The following TMEM82 variants were observed in gnomAD, a reference collection of about 807,000 sequenced individuals.
TMEM82 encodes transmembrane protein 82.
Under a neutral mutation model 29.2 loss-of-function variants are expected in TMEM82, and 30 were observed. The ratio of observed to expected loss-of-function variants is 1.03; its 90% CI spans 0.77 to 1.39. The LOEUF is 1.39. Ranked by LOEUF, TMEM82 falls within the 40% of genes most tolerant of loss-of-function variation. The pLI is 0.00. For missense variants in TMEM82, 442 were observed against 447.7 expected (o/e 0.99, Z 0.12); for synonymous variants, 221 against 225.4 (o/e 0.98, Z 0.18).
chr1:15,742,811 G>A (rs552584269), intron 1 of TMEM82, 24 bp from the exon 2 acceptor site: 13 of 1,606,572 alleles, frequency 8.1e-6, no homozygotes, highest in Middle Eastern at 1.7e-4. Context: ...ACGCTGCCTC[G>A]CTGCCTCCCT....
Position 15,742,545 on chromosome 1 carries a change from C to A in TMEM82, c.-15C>A. 1 of 1,566,130 alleles carries A rather than the reference C, an allele frequency of 6.4e-7. No individual in the cohort carries two copies. Among genetic ancestry groups the A allele is most frequent in the African/African-American group, 1.4e-5 (1 of 73,876 alleles). On this transcript the variant is annotated 5_prime_UTR_variant, in exon 1 of 6. Transcript: ENST00000375782. The stretch of plus-strand genomic sequence containing the variant: ...GCAGACCTGGCCGGAGGCTGGGGCT[C>A]CTTCCGGGGCTGCCATGTTCTCTCT...
Position 15,746,578 on chromosome 1 carries a change from G to A in TMEM82, c.758-289G>A, listed in dbSNP as rs574907361. On this transcript the variant is annotated intron_variant, in intron 4 of 5. Coordinates refer to ENST00000375782, the MANE Select transcript of TMEM82 (RefSeq NM_001013641.3). ...CAGGGCTAACTGAGGGACTAGAGGC[G>A]GGTGTGCGGAAAAGAAAGGAGTCAG... 5.3e-4 allele frequency among the ~76,000 whole-genome samples: 81 copies of A among 152,150 alleles called. 2 individuals carry two copies. In the Middle Eastern group the frequency reaches 0.01, roughly 19 times the overall value.
intron 1 of TMEM82, 59 bp from the exon 2 acceptor site, chr1:15,742,776 A>C: frequency 6.4e-7 from 1 of 1,564,252 alleles, no homozygotes. Context: ...CCTACCAATG[A>C]AGCCTGCCCT....
At chr1:15,742,945 G>A (rs771520999) in intron 2 of TMEM82, 38 bp downstream of exon 2, 1 of 1,609,564 alleles carries the variant, frequency 6.2e-7, no homozygotes, top group Non-Finnish European at 8.5e-7. Flanking sequence ...AATGTGGCTG[G>A]GGGCACGGGG....
At position 15,742,663 on chromosome 1, in the gene TMEM82, C is replaced by A. The variant is rs1319643216; in HGVS notation, c.88+16C>A. The stretch of plus-strand genomic sequence containing the variant: ...CTCCTGCAAGGTGAGCACCTCGCCC[C>A]ATTCCTGCCTTGGCCCCGCCCCCTT... On this transcript the variant is annotated intron_variant, in intron 1 of 5. Transcript: ENST00000375782. 1 of 1,604,676 alleles carries A rather than the reference C, an allele frequency of 6.2e-7. No homozygotes were observed. The highest frequency in any genetic ancestry group is 1.7e-4 in the Middle Eastern group (1 of 6,042).
At position 15,742,617 on chromosome 1, in the gene TMEM82, G is replaced by T. The variant is rs536045705; in HGVS notation, c.58G>T (p.Gly20Cys). The change falls in exon 1 of 6, where the codon GGC becomes TGC. Residue 20 changes from glycine to cysteine, a missense_variant. By Grantham distance (159) the Gly-to-Cys change is radical. Transcript: ENST00000375782. ...WLPGLPSLEW[G>C]SSLLDSLLQG... ...CCCCGGCCTCCCCTCCCTCGAGTGG[G>T]GCTCTAGCCTCCTTGACTCCCTCCT... The T allele has an allele frequency of 9.9e-5, 160 of 1,609,396 alleles. 5 individuals carry two copies. The South Asian group carries it at 1.7e-3, about 17-fold the overall frequency.
rs560188133 is a variant in TMEM82 at position 15,742,842 on chromosome 1, C to T, written c.96C>T (p.Ile32=). ...SLLDSLLQGL[I]GALGVLVLNS... ...TCCCTCCCGCCCCCTCAGGCCTGAT[C>T]GGGGCCCTTGGAGTCTTGGTCCTGA... The change falls in exon 2 of 6, where the codon ATC becomes ATT. Residue 32 remains isoleucine, a synonymous_variant. Coordinates refer to ENST00000375782, the MANE Select transcript of TMEM82 (RefSeq NM_001013641.3). 1.9e-5 allele frequency: 31 copies of T among 1,612,634 alleles called. No homozygotes were observed. Among genetic ancestry groups the T allele is most frequent in the Middle Eastern group, 1.6e-4 (1 of 6,062 alleles).
rs149895521 is a variant in TMEM82 at position 15,746,910 on chromosome 1, G to T, written c.801G>T (p.Thr267=). The change falls in exon 5 of 6, where the codon ACG becomes ACT. Residue 267 remains threonine, a synonymous_variant. Transcript: ENST00000375782. ...CCGGCCTGCAGAGCCAGGTGCAGAC[G>T]GTGCTGGTGCGCATGGGCGGCCTCT... ...QHPGLQSQVQ[T]VLVRMGGLFV... 6.2e-7 allele frequency: 1 copy of T among 1,605,236 alleles called. No homozygotes were observed. Among genetic ancestry groups the T allele is most frequent in the Non-Finnish European group, 8.5e-7 (1 of 1,179,252 alleles).
chr1:15,747,105 C>A, intron 5 of TMEM82, 51 bp downstream of exon 5: 1 of 1,574,158 alleles, frequency 6.4e-7, no homozygotes, highest in Non-Finnish European at 8.6e-7. Context: ...CTGCTTCAAA[C>A]AGCCCAGGAG....
At chr1:15,745,612 G>A (rs1367793879) in intron 4 of TMEM82, among the ~76,000 whole-genome samples, 1 of 151,868 alleles carries the variant, frequency 6.6e-6, no homozygotes, top group African/African-American at 2.4e-5. Context: ...GGAGGTCTTG[G>A]CCGGGCATAG....
rs1218951921 is a variant in TMEM82, at chr1:15,743,194, G to A, written c.336G>A (p.Lys112=). 13 of 1,605,950 alleles carry A rather than the reference G, an allele frequency of 8.1e-6. 1 individual carries two copies. The highest frequency in any genetic ancestry group is 1.1e-5 in the Non-Finnish European group (13 of 1,179,506). Residue 112 remains lysine (K), a splice_region_variant and synonymous_variant, in exon 3 of 6, where the codon AAG becomes AAA. Transcript: ENST00000375782. ...TGTCCACGCTGCTGTCCCTGGGCAA[G>A]GTGAGGCCTCCGGGAAGGCAGTGGG... The part of the protein sequence containing the change: ...RAVSTLLSLG[K]GSQGAAERLQ...
In TMEM82 at chr1:15,743,124, C is replaced by G. The variant is rs747026547; in HGVS notation, c.266C>G (p.Ser89Cys). Residue 89 changes from serine to cysteine, a missense_variant, in exon 3 of 6, where the codon TCC becomes TGC. Coordinates refer to ENST00000375782, the MANE Select transcript of TMEM82 (RefSeq NM_001013641.3). ...GCCCTGTTTCTGACGGTCGTGGGGT[C>G]CCGGGTGGCTGCCCTCGTGGTGCTC... ...GLALFLTVVG[S>C]RVAALVVLEF... 1.2e-6 allele frequency: 2 copies of G among 1,611,992 alleles called. No individual in the cohort carries two copies. The highest frequency in any genetic ancestry group is 1.3e-5 in the African/African-American group (1 of 74,942).
intron 2 of TMEM82, 53 bp downstream of exon 2, chr1:15,742,960 C>T: frequency 6.2e-7 from 1 of 1,606,626 alleles, no homozygotes; most frequent in Non-Finnish European, 8.5e-7. Flanking sequence ...ACGGGGACCC[C>T]CACCAGGGGT....
At chr1:15,746,538 G>A (rs1204814604) in intron 4 of TMEM82, among the ~76,000 whole-genome samples, 1 of 152,048 alleles carries the variant, frequency 6.6e-6, no homozygotes, top group Admixed American at 6.6e-5. Flanking sequence ...GAATGTGCTT[G>A]GCAGAAGGAG....
At chr1:15,745,050 G>T (rs1007970115) in intron 4 of TMEM82, among the ~76,000 whole-genome samples, 8 of 152,094 alleles carry the variant, frequency 5.3e-5, no homozygotes, top group Non-Finnish European at 1.2e-4. Flanking sequence ...GTTTTGTTTT[G>T]CTTTTCTGTT....
chr1:15,744,026 G>A lies in TMEM82; in HGVS notation c.337-134G>A. ...TAAGGTGAGAGAGATGATCCCCTAG[G>A]GCTTCATCTGAAGCCGATGTGGCCC... On this transcript the variant is annotated intron_variant, in intron 3 of 5. Transcript: ENST00000375782. The surrounding 1 kb of genome is among the most constrained non-coding windows in gnomAD (Gnocchi z 5.2). The A allele has an allele frequency of 2.6e-6, 2 of 778,268 alleles. No individual in the cohort carries two copies. Among genetic ancestry groups the A allele is most frequent in the Non-Finnish European group, 4.0e-6 (2 of 504,930 alleles). The allele number at this position is 778,268 out of a possible 1,614,324, so 48.2% of individuals were successfully genotyped here. A position where few individuals can be genotyped will look rare whatever the true frequency, so the allele number is the denominator to read the frequency against.
In TMEM82 at chr1:15,742,842, C is replaced by CG; in HGVS notation, c.100dup (p.Ala34GlyfsTer22). On this transcript the variant is annotated frameshift_variant, in exon 2 of 6. Coordinates refer to ENST00000375782, the MANE Select transcript of TMEM82 (RefSeq NM_001013641.3). LOFTEE classifies it high-confidence loss of function. The stretch of plus-strand genomic sequence containing the variant: ...TCCCTCCCGCCCCCTCAGGCCTGAT[C>CG]GGGGCCCTTGGAGTCTTGGTCCTGA... The CG allele has an allele frequency of 1.9e-6, 3 of 1,612,634 alleles. No homozygotes were observed. The highest frequency in any genetic ancestry group is 2.5e-6 in the Non-Finnish European group (3 of 1,179,850).
intron 4 of TMEM82, among the ~76,000 whole-genome samples, chr1:15,746,242 C>G (rs1969241): frequency 3.3e-5 from 5 of 151,466 alleles, no homozygotes; most frequent in African/African-American, 1.2e-4. Flanking sequence ...CCAGCACTTT[C>G]GGAGGCTGAG....
rs778989143 is a variant in TMEM82, at chr1:15,744,216, G to T, written c.393G>T (p.Leu131=). The T allele has an allele frequency of 1.9e-6, 3 of 1,590,438 alleles. No homozygotes were observed. The Admixed American group carries it at 5.1e-5, about 27-fold the overall frequency. ...TCTACCTGCTGTGCCAGTACTCGCTGGGCTGCGGGCTGACCTGTGGCCTGA... is the reference window on the plus strand; with the variant it reads ...TCTACCTGCTGTGCCAGTACTCGCTTGGCTGCGGGCTGACCTGTGGCCTGA... ...LQLYLLCQYS[L]GCGLTCGLSF... Residue 131 remains leucine, a synonymous_variant, in exon 4 of 6, where the codon CTG becomes CTT. Transcript: ENST00000375782. This position sits in a 1 kb window ranked among gnomAD's most constrained non-coding sequence, Gnocchi z 5.2.
Sources: gnomAD v4.1 joint callset for allele counts (sites outside exome capture counted in the v4.1 genomes callset) on GRCh38, gnomAD v4.1.1 for gene constraint, Gnocchi (gnomAD v3.1) non-coding constraint, MANE v1.5 for transcripts, NCBI Gene and HGNC (gene_info 2026-07-23, HGNC 2026-07-21) for gene names.